Variants in KCNMB2 observed in about 807,000 individuals in gnomAD.
The protein encoded by KCNMB2 is potassium calcium-activated channel subfamily M regulatory beta subunit 2, also known as calcium-activated potassium channel subunit beta-2.
A neutral mutation model predicts 24.5 loss-of-function variants in KCNMB2; 9 were observed. That is an observed-to-expected ratio of 0.37 (90% confidence interval 0.22 to 0.64). The LOEUF is 0.64. Among genes scored for constraint, KCNMB2 ranks in the 30% least tolerant of loss-of-function variants. The pLI, the probability that KCNMB2 is intolerant of heterozygous loss-of-function variation, is 0.63. For synonymous variants in KCNMB2, 109 were observed against 104.4 expected (o/e 1.04, Z -0.27); for missense variants, 226 against 284.3 (o/e 0.79, Z 1.47).
chr3:178,796,606 G>A (rs989922329), intron 1 of KCNMB2, among the ~76,000 whole-genome samples: 7 of 151,948 alleles, frequency 4.6e-5, no homozygotes, highest in Admixed American at 2.6e-4. Context: ...GAGGAATTTC[G>A]GAAACTATAC....
chr3:178,615,222 T>C (rs1017596514), intron 1 of KCNMB2, among the ~76,000 whole-genome samples: 1 of 152,188 alleles, frequency 6.6e-6, no homozygotes, highest in Non-Finnish European at 1.5e-5. Context: ...GGATCAGATC[T>C]GAAACAGCAC....
chr3:178,702,085 T>C (rs1390775312), intron 1 of KCNMB2, among the ~76,000 whole-genome samples: 10 of 152,022 alleles, frequency 6.6e-5, no homozygotes, highest in Non-Finnish European at 1.5e-4. Context: ...ATATACACCA[T>C]GGAATACTAT....
chr3:178,739,243 T>C (rs1252970636), intron 1 of KCNMB2, among the ~76,000 whole-genome samples: 1 of 152,146 alleles, frequency 6.6e-6, no homozygotes, highest in Non-Finnish European at 1.5e-5. Context: ...AGCTTCCGCA[T>C]CTATAAAACT....
intron 1 of KCNMB2, among the ~76,000 whole-genome samples, chr3:178,563,737 A>T (rs1465026907): frequency 6.6e-6 from 1 of 152,152 alleles, no homozygotes; most frequent in Non-Finnish European, 1.5e-5. Flanking sequence ...TGGAAAGGAA[A>T]TACCAGAGCG....
chr3:178,581,742 T>G (rs936722731), intron 1 of KCNMB2, among the ~76,000 whole-genome samples: 1 of 152,182 alleles, frequency 6.6e-6, no homozygotes, highest in Non-Finnish European at 1.5e-5. Flanking sequence ...AAGACACTTA[T>G]GCAGCCAACA....
chr3:178,775,335 T>C (rs1712536690), intron 1 of KCNMB2, among the ~76,000 whole-genome samples: 1 of 152,164 alleles, frequency 6.6e-6, no homozygotes, highest in African/African-American at 2.4e-5. Context: ...CTATGTGTTA[T>C]ATAACAAATG....
At chr3:178,568,854 T>TA (rs1553813618) in intron 1 of KCNMB2, among the ~76,000 whole-genome samples, 17,587 of 79,586 alleles carry the variant, frequency 0.22, 1,434 homozygotes, top group East Asian at 0.27. Flanking sequence ...GATAGATAGA[T>TA]GATAGATAGA....
chr3:178,756,929 C>T (rs1371430176), intron 1 of KCNMB2, among the ~76,000 whole-genome samples: 1 of 151,808 alleles, frequency 6.6e-6, no homozygotes, highest in Non-Finnish European at 1.5e-5. Context: ...TTCAGCAGTA[C>T]TCTTGGGAGC....
At position 178,835,037 on chromosome 3, in the gene KCNMB2, T is replaced by C. The variant is rs186552757; in HGVS notation, c.423+6664T>C. Among the ~76,000 whole-genome samples, 706 of 151,904 alleles carry C rather than the reference T, an allele frequency of 4.6e-3. 5 individuals are homozygous for C. Among genetic ancestry groups the C allele is most frequent in the Non-Finnish European group, 7.2e-3 (489 of 67,950 alleles). On this transcript the variant is annotated intron_variant, in intron 4 of 4. Coordinates refer to ENST00000452583, the MANE Select transcript of KCNMB2 (RefSeq NM_181361.3). ...ATACATCAGAATCCTAGGGATTCCA[T>C]GGTTTAAGCTCTCTGGATATTGTCT...
chr3:178,640,421 T>C (rs1719681740), intron 1 of KCNMB2, among the ~76,000 whole-genome samples: 1 of 152,038 alleles, frequency 6.6e-6, no homozygotes, highest in Non-Finnish European at 1.5e-5. Flanking sequence ...AACCAGATCT[T>C]GTAAGAACTC....
intron 1 of KCNMB2, among the ~76,000 whole-genome samples, chr3:178,734,574 C>T (rs535870358): frequency 3.3e-5 from 5 of 152,268 alleles, no homozygotes; most frequent in South Asian, 4.2e-4. Flanking sequence ...ACAATTCTAG[C>T]GTTACCTATT....
At chr3:178,768,468 C>T (rs945229644) in intron 1 of KCNMB2, among the ~76,000 whole-genome samples, 5 of 152,014 alleles carry the variant, frequency 3.3e-5, no homozygotes, top group African/African-American at 1.2e-4. Context: ...TTATCATGTA[C>T]TCTAAATGAT....
chr3:178,656,074 C>T (rs1290254905), intron 1 of KCNMB2, among the ~76,000 whole-genome samples: 2 of 152,092 alleles, frequency 1.3e-5, no homozygotes, highest in Non-Finnish European at 2.9e-5. Context: ...CATAACCAGA[C>T]ATGTAATTAA....
intron 1 of KCNMB2, among the ~76,000 whole-genome samples, chr3:178,547,030 G>T (rs909631139): frequency 1.3e-5 from 2 of 152,214 alleles, no homozygotes; most frequent in African/African-American, 4.8e-5. Flanking sequence ...ATGCAACAGT[G>T]TTAAAAGGTG....
chr3:178,833,763 A>C (rs1268301973), intron 4 of KCNMB2, among the ~76,000 whole-genome samples: 1 of 152,116 alleles, frequency 6.6e-6, no homozygotes, highest in Admixed American at 6.6e-5. Context: ...ACCCTCTCTC[A>C]CATAGTTTTT....
chr3:178,766,745 C>A (rs961880592), intron 1 of KCNMB2, among the ~76,000 whole-genome samples: 20 of 152,072 alleles, frequency 1.3e-4, no homozygotes, highest in South Asian at 4.1e-4. Flanking sequence ...ACTTTAGATG[C>A]AATGTCAAAT....
Position 178,662,561 on chromosome 3 carries a change from A to G in KCNMB2, c.-68+125850A>G, listed in dbSNP as rs55934688. On this transcript the variant is annotated intron_variant, in intron 1 of 4. Transcript: ENST00000452583. ...GACAAGAGCTTGTATCATCTATTACATGGTGCAAAGAGCCCAGGCTTAGAA... is the reference window on the plus strand; with the variant it reads ...GACAAGAGCTTGTATCATCTATTACGTGGTGCAAAGAGCCCAGGCTTAGAA... Among the ~76,000 whole-genome samples, 887 of 152,280 alleles carry G rather than the reference A, an allele frequency of 5.8e-3. 8 individuals are homozygous for G. Among genetic ancestry groups the G allele is most frequent in the African/African-American group, 0.02 (836 of 41,576 alleles).
chr3:178,593,723 T>C (rs1369115873), intron 1 of KCNMB2, among the ~76,000 whole-genome samples: 1 of 151,650 alleles, frequency 6.6e-6, no homozygotes, highest in East Asian at 1.9e-4. Flanking sequence ...GATTGGGCTT[T>C]TGTGTCTCTT....
Position 178,840,674 on chromosome 3 carries a change from G to C in KCNMB2, c.424-1979G>C, listed in dbSNP as rs947497787. Among the ~76,000 whole-genome samples the C allele has an allele frequency of 5.3e-5, 8 of 152,358 alleles. No homozygotes were observed. The South Asian group carries it at 1.7e-3, about 32-fold the overall frequency. On this transcript the variant is annotated intron_variant, in intron 4 of 4. Transcript: ENST00000452583. ...GGGGCTTGCACCCTCTGAAGCAATG[G>C]CCTGAGCTGTACATTGACCCCTTAT...
Sources: allele counts gnomAD v4.1 joint callset (sites outside exome capture counted in the v4.1 genomes callset), GRCh38; gene constraint gnomAD v4.1.1; transcripts MANE v1.5; gene names NCBI Gene and HGNC (gene_info 2026-07-23, HGNC 2026-07-21).